Variants in DNAJC3 observed in about 807,000 individuals in gnomAD.
DNAJC3 encodes the protein DnaJ heat shock protein family (Hsp40) member C3, also known as dnaJ homolog subfamily C member 3.
Under a neutral mutation model 68.6 loss-of-function variants are expected in DNAJC3, and 38 were observed. The ratio of observed to expected loss-of-function variants is 0.55; its 90% CI spans 0.43 to 0.73. DNAJC3 has a LOEUF of 0.73. Among genes scored for constraint, DNAJC3 ranks in the 30% least tolerant of loss-of-function variants. The pLI, the probability that DNAJC3 is intolerant of heterozygous loss-of-function variation, is 0.00. For synonymous variants in DNAJC3, 203 were observed against 204.0 expected (o/e 1.00, Z 0.04); for missense variants, 526 against 591.9 (o/e 0.89, Z 1.16).
intron 1 of DNAJC3, among the ~76,000 whole-genome samples, chr13:95,696,896 C>T (rs755767408): frequency 3.3e-5 from 5 of 152,132 alleles, no homozygotes; most frequent in Admixed American, 2.6e-4. Flanking sequence ...CAGGCGCCCA[C>T]CACCGCGCCT....
At chr13:95,754,037 A>G (rs1339826044) in intron 4 of DNAJC3, among the ~76,000 whole-genome samples, 3 of 152,204 alleles carry the variant, frequency 2.0e-5, no homozygotes, top group South Asian at 4.1e-4. Context: ...GCTAGATAAC[A>G]CATTATCCAA....
intron 4 of DNAJC3, 78 bp downstream of exon 4, chr13:95,725,330 T>C: frequency 9.6e-7 from 1 of 1,038,468 alleles, no homozygotes; most frequent in Non-Finnish European, 1.4e-6. Flanking sequence ...ATTATGACAG[T>C]TAATAGTAAT....
chr13:95,789,138 T>C (rs1018107831), intron 11 of DNAJC3, among the ~76,000 whole-genome samples: 15 of 152,226 alleles, frequency 9.9e-5, no homozygotes, highest in African/African-American at 3.6e-4. Flanking sequence ...TTAAAAAACC[T>C]AGCTATATGC....
chr13:95,779,662 C>T (rs1883395692), intron 9 of DNAJC3, among the ~76,000 whole-genome samples: 1 of 152,026 alleles, frequency 6.6e-6, no homozygotes. Flanking sequence ...GTCCTGATTG[C>T]TCACATTTTT....
chr13:95,721,848 A>G (rs900996845), intron 2 of DNAJC3, among the ~76,000 whole-genome samples: 1 of 152,024 alleles, frequency 6.6e-6, no homozygotes, highest in Non-Finnish European at 1.5e-5. Context: ...GGCATTTTCA[A>G]TGCCATTAAC....
At chr13:95,778,591 G>C (rs899267907) in intron 9 of DNAJC3, among the ~76,000 whole-genome samples, 12 of 152,094 alleles carry the variant, frequency 7.9e-5, no homozygotes, top group African/African-American at 2.4e-4. Context: ...GCCACACACA[G>C]AAAAATACTG....
At chr13:95,696,752 T>G (rs1880451204) in intron 1 of DNAJC3, among the ~76,000 whole-genome samples, 3 of 142,098 alleles carry the variant, frequency 2.1e-5, no homozygotes, top group Middle Eastern at 3.8e-3. Flanking sequence ...GTGTCTTGTG[T>G]TTTTTTTTTT....
At chr13:95,681,832 G>T (rs1402563428) in intron 1 of DNAJC3, among the ~76,000 whole-genome samples, 1 of 151,918 alleles carries the variant, frequency 6.6e-6, no homozygotes, top group Non-Finnish European at 1.5e-5. Flanking sequence ...CATTCTTTTA[G>T]ACCTTGTCTT....
intron 2 of DNAJC3, among the ~76,000 whole-genome samples, chr13:95,714,658 C>T (rs891515235): frequency 2.0e-5 from 3 of 152,128 alleles, no homozygotes; most frequent in Non-Finnish European, 2.9e-5. Flanking sequence ...GTGACCACAT[C>T]GTTACTAAGT....
chr13:95,707,232 C>T (rs773323497), intron 1 of DNAJC3, among the ~76,000 whole-genome samples: 1 of 152,184 alleles, frequency 6.6e-6, no homozygotes, highest in Non-Finnish European at 1.5e-5. Flanking sequence ...TGGTAATGCT[C>T]TCTGGCTTGC....
Position 95,760,658 on chromosome 13 carries a change from CT to C in DNAJC3, c.729-15del. 1 of 1,582,586 alleles carries C rather than the reference CT, an allele frequency of 6.3e-7. No individual in the cohort carries two copies. The highest frequency in any genetic ancestry group is 8.6e-7 in the Non-Finnish European group (1 of 1,167,264). ...GATTGTTTTGACATGGAGTATTTTCCTTTTTTAAATACATGAACAGTGAAGT... is the reference window on the plus strand; with the variant it reads ...GATTGTTTTGACATGGAGTATTTTCCTTTTTAAATACATGAACAGTGAAGT... On this transcript the variant is annotated intron_variant, in intron 6 of 11. Coordinates refer to ENST00000602402, the MANE Select transcript of DNAJC3 (RefSeq NM_006260.5).
chr13:95,787,960 A>C (rs928456280), intron 11 of DNAJC3, among the ~76,000 whole-genome samples: 3 of 152,148 alleles, frequency 2.0e-5, no homozygotes, highest in Non-Finnish European at 4.4e-5. Context: ...TGTCAGTGGG[A>C]ACAGCAGCTG....
In DNAJC3 at chr13:95,775,935, T is replaced by C. The variant is rs767891469; in HGVS notation, c.1076-10004T>C. 1.2e-4 allele frequency among the ~76,000 whole-genome samples: 19 copies of C among 152,168 alleles called. 1 individual carries two copies. Among genetic ancestry groups the C allele is most frequent in the Non-Finnish European group, 8.8e-5 (6 of 68,042 alleles). On this transcript the variant is annotated intron_variant, in intron 9 of 11. Transcript: ENST00000602402. ...TGTCTTACTAAGAACATCTTGAGAT[T>C]TTTAATGACAGTTTGTATGAATGAG...
At chr13:95,701,768 C>G (rs953665790) in intron 1 of DNAJC3, among the ~76,000 whole-genome samples, 1 of 152,200 alleles carries the variant, frequency 6.6e-6, no homozygotes, top group African/African-American at 2.4e-5. Context: ...ACTAGTGTGA[C>G]TGTGAAACAA....
At chr13:95,709,603 T>C (rs1211598887) in intron 2 of DNAJC3, among the ~76,000 whole-genome samples, 1 of 151,906 alleles carries the variant, frequency 6.6e-6, no homozygotes, top group Non-Finnish European at 1.5e-5. Context: ...AAACAGCTTT[T>C]CTCAGTGTAT....
intron 1 of DNAJC3, among the ~76,000 whole-genome samples, chr13:95,690,645 C>T (rs1399825023): frequency 1.1e-4 from 16 of 139,942 alleles, no homozygotes; most frequent in East Asian, 8.7e-4. Context: ...CCGGACGGGG[C>T]GGCTGGCCGG....
chr13:95,770,981 A>G lies in DNAJC3; in HGVS notation c.1075+7028A>G, dbSNP rs148884200. ...TATGAGAAATTTCAAATAAAGAGAA[A>G]AGTTGAAAGAATTTCACAATGAACA... On this transcript the variant is annotated intron_variant, in intron 9 of 11. Coordinates refer to ENST00000602402, the MANE Select transcript of DNAJC3 (RefSeq NM_006260.5). Among the ~76,000 whole-genome samples the G allele has an allele frequency of 1.4e-3, 208 of 152,348 alleles. 1 individual carries two copies. The South Asian group carries it at 0.017, about 12-fold the overall frequency.
At chr13:95,711,794 T>C (rs954807976) in intron 2 of DNAJC3, among the ~76,000 whole-genome samples, 3 of 152,054 alleles carry the variant, frequency 2.0e-5, no homozygotes, top group African/African-American at 7.3e-5. Context: ...CAATAATATA[T>C]AGGAAAACAG....
At chr13:95,769,100 A>G (rs979341086) in intron 9 of DNAJC3, among the ~76,000 whole-genome samples, 3 of 152,170 alleles carry the variant, frequency 2.0e-5, no homozygotes, top group African/African-American at 7.2e-5. Flanking sequence ...GCTGCGTTTT[A>G]GTAAGAGTGG....
Sources: allele counts gnomAD v4.1 joint callset (sites outside exome capture counted in the v4.1 genomes callset), GRCh38; gene constraint gnomAD v4.1.1; transcripts MANE v1.5; gene names NCBI Gene and HGNC (gene_info 2026-07-23, HGNC 2026-07-21).